The following GRK5 variants were observed in gnomAD, a reference collection of about 807,000 sequenced individuals.
GRK5 encodes G protein-coupled receptor kinase 5.
Under a neutral mutation model 78.4 loss-of-function variants are expected in GRK5, and 40 were observed. That is an observed-to-expected ratio of 0.51 (90% CI 0.40 to 0.66). The LOEUF is 0.66. GRK5 is among the 30% of genes least tolerant of loss of function. GRK5 has a pLI of 0.00. For synonymous variants in GRK5, 289 were observed against 296.8 expected, an observed-to-expected ratio of 0.97 and a Z score of 0.27; for missense variants, 598 against 759.9, an observed-to-expected ratio of 0.79 and a Z score of 2.50.
At chr10:119,313,752 C>T (rs1229969740) in intron 1 of GRK5, among the ~76,000 whole-genome samples, 3 of 152,118 alleles carry the variant, frequency 2.0e-5, no homozygotes, top group Non-Finnish European at 4.4e-5. Context: ...CCAGAGTGCT[C>T]CTCTCTCTCA....
intron 1 of GRK5, among the ~76,000 whole-genome samples, chr10:119,236,330 C>T (rs1183065591): frequency 6.6e-6 from 1 of 152,106 alleles, no homozygotes; most frequent in African/African-American, 2.4e-5. Flanking sequence ...ATTCTCCTGC[C>T]TCAGCCTCCC....
At chr10:119,250,929 C>CGG (rs1163993250) in intron 1 of GRK5, among the ~76,000 whole-genome samples, 1 of 152,166 alleles carries the variant, frequency 6.6e-6, no homozygotes, top group East Asian at 1.9e-4. Context: ...GGCATCTCCA[C>CGG]GCTCTCCTAT....
chr10:119,281,348 C>A (rs572457800), intron 1 of GRK5, among the ~76,000 whole-genome samples: 35 of 152,166 alleles, frequency 2.3e-4, no homozygotes, highest in Non-Finnish European at 3.8e-4. Flanking sequence ...TGGCCAGGGA[C>A]CCCCCTAACC....
At chr10:119,218,376 A>G (rs1364160913) in intron 1 of GRK5, among the ~76,000 whole-genome samples, 1 of 152,200 alleles carries the variant, frequency 6.6e-6, no homozygotes, top group Non-Finnish European at 1.5e-5. Flanking sequence ...AACCCAGCCA[A>G]TGTAATTGCT....
intron 5 of GRK5, among the ~76,000 whole-genome samples, chr10:119,423,818 T>TAC (rs1344988268): frequency 6.7e-6 from 1 of 150,272 alleles, no homozygotes; most frequent in South Asian, 2.1e-4. Context: ...CACACACACA[T>TAC]ACACACACAC....
chr10:119,251,561 T>G (rs1407107368), intron 1 of GRK5, among the ~76,000 whole-genome samples: 1 of 152,208 alleles, frequency 6.6e-6, no homozygotes, highest in Non-Finnish European at 1.5e-5. Flanking sequence ...CTGCGAACAT[T>G]TATCTGGAGT....
chr10:119,446,990 GC>G (rs1853163212), intron 12 of GRK5, among the ~76,000 whole-genome samples: 1 of 152,248 alleles, frequency 6.6e-6, no homozygotes. Context: ...CTGGATTTTA[GC>G]CTCAAAGCAG....
rs553123612 is a variant in GRK5 at position 119,271,177 on chromosome 10, C to T, written c.53-55339C>T. ...GCGCCGTTAGGGAGGGAGTGTTCAC[C>T]GGAAACCTGCCCGGGCCACACGTGT... On this transcript the variant is annotated intron_variant, in intron 1 of 15. Coordinates refer to ENST00000392870, the MANE Select transcript of GRK5 (RefSeq NM_005308.3). This position sits in a 1 kb window ranked among gnomAD's most constrained non-coding sequence, Gnocchi z 4.1. Among the ~76,000 whole-genome samples the T allele has an allele frequency of 7.9e-5, 12 of 152,282 alleles. No individual in the cohort carries two copies. The highest frequency in any genetic ancestry group is 1.3e-4 in the Non-Finnish European group (9 of 68,028).
At chr10:119,343,914 G>A (rs1338355429) in intron 2 of GRK5, among the ~76,000 whole-genome samples, 7 of 152,130 alleles carry the variant, frequency 4.6e-5, no homozygotes, top group South Asian at 2.1e-4. Flanking sequence ...CACTGTGTAC[G>A]GCGTTTCTCA....
chr10:119,436,904 C>A, intron 9 of GRK5, 63 bp downstream of exon 9: 1 of 1,433,492 alleles, frequency 7.0e-7, no homozygotes, highest in Non-Finnish European at 9.4e-7. Context: ...AGCCCCTCCA[C>A]ACCCTCGGGC....
chr10:119,320,691 C>T (rs1320162477), intron 1 of GRK5, among the ~76,000 whole-genome samples: 4 of 152,230 alleles, frequency 2.6e-5, no homozygotes, highest in African/African-American at 7.2e-5. Context: ...AGTGTAAAGG[C>T]CCTGAGAGCA....
rs10886486 is a variant in GRK5, at chr10:119,459,060, A to C, written c.*3993A>C. The C allele has an allele frequency of 0.13, 19,582 of 151,942 alleles. 1,437 individuals carry two copies. Among genetic ancestry groups the C allele is most frequent in the East Asian group, 0.26 (1,360 of 5,164 alleles). The allele number at this position is 151,942 out of a possible 1,614,324, so 9.4% of individuals were successfully genotyped here. ...TGGTCTCCTGTTTTCATAACCCAAC[A>C]CTCTGAGATAGGATCTTCCAACTTT... is the stretch of plus-strand genomic sequence containing the variant. On this transcript the variant is annotated 3_prime_UTR_variant, in exon 16 of 16. Transcript: ENST00000392870.
At chr10:119,375,741 G>A (rs1251998604) in intron 2 of GRK5, among the ~76,000 whole-genome samples, 1 of 152,218 alleles carries the variant, frequency 6.6e-6, no homozygotes, top group African/African-American at 2.4e-5. Context: ...CAGGCCAGCT[G>A]TGGGCATGCC....
intron 4 of GRK5, among the ~76,000 whole-genome samples, chr10:119,413,605 C>T (rs74316493): frequency 0.075 from 11,357 of 152,052 alleles, 625 homozygotes; most frequent in East Asian, 0.23. Context: ...CACAGCACAC[C>T]TGGTGCCGTG....
At chr10:119,363,640 G>GT (rs1241817037) in intron 2 of GRK5, among the ~76,000 whole-genome samples, 1 of 152,180 alleles carries the variant, frequency 6.6e-6, no homozygotes, top group Non-Finnish European at 1.5e-5. Context: ...TGTTGCCCTC[G>GT]TTGACATGGG....
rs568226480 is a variant in GRK5, at chr10:119,219,122, C to T, written c.52+11153C>T. Among the ~76,000 whole-genome samples the T allele has an allele frequency of 2.6e-3, 399 of 152,238 alleles. 1 individual carries two copies. Among genetic ancestry groups the T allele is most frequent in the Non-Finnish European group, 4.7e-3 (318 of 68,006 alleles). ...CAGGATGGTCTCGATCTCCTGACCT[C>T]GTGATCCTCCCTGCCTCGGCCTCCC... is the stretch of plus-strand genomic sequence containing the variant. On this transcript the variant is annotated intron_variant, in intron 1 of 15. Transcript: ENST00000392870.
intron 1 of GRK5, among the ~76,000 whole-genome samples, chr10:119,316,549 T>C (rs1183145620): frequency 6.6e-6 from 1 of 152,160 alleles, no homozygotes; most frequent in African/African-American, 2.4e-5. Flanking sequence ...ATTCAGGGAT[T>C]CCCCTGAAGC....
chr10:119,429,487 C>A (rs1852773556), intron 6 of GRK5, among the ~76,000 whole-genome samples: 1 of 150,918 alleles, frequency 6.6e-6, no homozygotes, highest in East Asian at 1.9e-4. Flanking sequence ...GCCAAACAGA[C>A]CAGCAATGCA....
chr10:119,448,757 G>A (rs1300298420), intron 13 of GRK5, among the ~76,000 whole-genome samples: 1 of 152,158 alleles, frequency 6.6e-6, no homozygotes, highest in African/African-American at 2.4e-5. Flanking sequence ...AGCTCACATT[G>A]CAGGGAGTTG....
Sources: gnomAD v4.1 joint callset for allele counts (sites outside exome capture counted in the v4.1 genomes callset) on GRCh38, gnomAD v4.1.1 for gene constraint, Gnocchi (gnomAD v3.1) non-coding constraint, MANE v1.5 for transcripts, NCBI Gene and HGNC (gene_info 2026-07-23, HGNC 2026-07-21) for gene names.